KCND2: variants seen among roughly 807,000 people sequenced by gnomAD.
The protein encoded by KCND2 is A-type voltage-gated potassium channel KCND2.
KCND2 carries 16 observed loss-of-function variants against 54.4 expected under a neutral mutation model. That is an observed-to-expected ratio of 0.29 (90% CI 0.20 to 0.45). KCND2 has a LOEUF of 0.45. Ranked by LOEUF, KCND2 falls within the 20% of genes least tolerant of loss-of-function variation. The pLI is 1.00. For synonymous variants in KCND2, 317 were observed against 310.7 expected, an observed-to-expected ratio of 1.02 and a Z score of -0.21; for missense variants, 486 against 824.2, an observed-to-expected ratio of 0.59 and a Z score of 5.02.
intron 1 of KCND2, among the ~76,000 whole-genome samples, chr7:120,334,455 T>C (rs1483951098): frequency 6.6e-6 from 1 of 152,218 alleles, no homozygotes; most frequent in Non-Finnish European, 1.5e-5. Flanking sequence ...CCTCTATGTT[T>C]CTGCAGTAAT....
intron 1 of KCND2, among the ~76,000 whole-genome samples, chr7:120,583,036 A>C (rs1003200743): frequency 7.2e-5 from 11 of 152,196 alleles, no homozygotes; most frequent in African/African-American, 2.6e-4. Context: ...CCTGAAGGAC[A>C]GAAAGTATAT....
chr7:120,746,344 A>T (rs1357538142), intron 5 of KCND2, among the ~76,000 whole-genome samples: 1 of 152,148 alleles, frequency 6.6e-6, no homozygotes, highest in African/African-American at 2.4e-5. Flanking sequence ...AGTCTCTTAT[A>T]TATTCAATAG....
chr7:120,652,762 C>G (rs896671100), intron 1 of KCND2, among the ~76,000 whole-genome samples: 2 of 152,098 alleles, frequency 1.3e-5, no homozygotes, highest in African/African-American at 4.8e-5. Flanking sequence ...CTTGTTCATC[C>G]CAATGCTAAT....
chr7:120,452,923 C>T (rs1242429928), intron 1 of KCND2, among the ~76,000 whole-genome samples: 1 of 152,170 alleles, frequency 6.6e-6, no homozygotes. Context: ...GTCTGCTGGC[C>T]TCTCCTGGGG....
chr7:120,432,783 C>T (rs1431983204), intron 1 of KCND2, among the ~76,000 whole-genome samples: 3 of 152,144 alleles, frequency 2.0e-5, no homozygotes, highest in Admixed American at 6.5e-5. Flanking sequence ...GGTTGCCTTG[C>T]TTGGACACCC....
chr7:120,397,206 C>G (rs1246414938), intron 1 of KCND2, among the ~76,000 whole-genome samples: 1 of 152,036 alleles, frequency 6.6e-6, no homozygotes, highest in African/African-American at 2.4e-5. Context: ...TAGCACAAAT[C>G]AAGTTCAGTT....
chr7:120,705,282 G>A (rs548944251), intron 1 of KCND2, among the ~76,000 whole-genome samples: 3 of 152,222 alleles, frequency 2.0e-5, no homozygotes, highest in African/African-American at 7.2e-5. Context: ...TAGATGATCT[G>A]GATGGCTTTT....
At chr7:120,693,623 G>A (rs1792298845) in intron 1 of KCND2, among the ~76,000 whole-genome samples, 1 of 152,182 alleles carries the variant, frequency 6.6e-6, no homozygotes, top group South Asian at 2.1e-4. Context: ...GGCTTCCAAT[G>A]TGTGATTATT....
At chr7:120,717,405 G>A (rs775613970) in intron 1 of KCND2, among the ~76,000 whole-genome samples, 11 of 152,074 alleles carry the variant, frequency 7.2e-5, no homozygotes, top group African/African-American at 1.9e-4. Flanking sequence ...AGAAGTGCAC[G>A]TTCCTTAAAA....
intron 1 of KCND2, among the ~76,000 whole-genome samples, chr7:120,388,019 G>A (rs542919090): frequency 3.9e-5 from 6 of 152,090 alleles, no homozygotes; most frequent in African/African-American, 1.4e-4. Flanking sequence ...TTTTGTAAAT[G>A]TGTTTATACT....
At chr7:120,628,419 G>A (rs1009502394) in intron 1 of KCND2, among the ~76,000 whole-genome samples, 2 of 152,142 alleles carry the variant, frequency 1.3e-5, no homozygotes, top group African/African-American at 4.8e-5. Flanking sequence ...GGGATCAAGG[G>A]AATATGTACA....
chr7:120,309,566 C>T (rs200805583), intron 1 of KCND2, among the ~76,000 whole-genome samples: 2 of 148,792 alleles, frequency 1.3e-5, no homozygotes, highest in East Asian at 2.2e-4. Context: ...CACACACACA[C>T]ATATATATAA....
At chr7:120,646,168 T>G (rs1159392139) in intron 1 of KCND2, among the ~76,000 whole-genome samples, 1 of 152,216 alleles carries the variant, frequency 6.6e-6, no homozygotes, top group Non-Finnish European at 1.5e-5. Context: ...CACAACCATA[T>G]GTGACCCATT....
chr7:120,721,938 G>A (rs996646991), intron 1 of KCND2, among the ~76,000 whole-genome samples: 4 of 152,112 alleles, frequency 2.6e-5, no homozygotes, highest in Non-Finnish European at 5.9e-5. Flanking sequence ...CAAGAGAGCT[G>A]ATGATTTTAT....
In KCND2 at chr7:120,749,031, T is replaced by C. The variant is rs919050855; in HGVS notation, c.*1173T>C. 5.9e-5 allele frequency: 9 copies of C among 151,966 alleles called. No homozygotes were observed. The highest frequency in any genetic ancestry group is 8.8e-5 in the Non-Finnish European group (6 of 67,870). 9.4% of individuals were successfully genotyped at this position (151,966 alleles called of 1,614,324 possible). ...GTTGTTTATGGAAAAGCCCAGATACTGGATATATCACTATGTATTTTATGA... is the reference window on the plus strand; with the variant it reads ...GTTGTTTATGGAAAAGCCCAGATACCGGATATATCACTATGTATTTTATGA... On this transcript the variant is annotated 3_prime_UTR_variant, in exon 6 of 6. Transcript: ENST00000331113.
Position 120,727,660 on chromosome 7 carries a change from A to G in KCND2, c.1116-5243A>G, listed in dbSNP as rs1584898267. ...GGAAGTACGCAAATTTAGAATTAAC[A>G]TTTTTATGCAAAAGGCACTTCCATG... On this transcript the variant is annotated intron_variant, in intron 1 of 5. Transcript: ENST00000331113. Among the ~76,000 whole-genome samples the G allele has an allele frequency of 4.6e-5, 7 of 152,306 alleles. 1 individual carries two copies. The highest frequency in any genetic ancestry group is 4.6e-4 in the Admixed American group (7 of 15,292).
At chr7:120,534,050 A>AT (rs1296937780) in intron 1 of KCND2, among the ~76,000 whole-genome samples, 2 of 151,476 alleles carry the variant, frequency 1.3e-5, no homozygotes, top group East Asian at 2.0e-4. Context: ...GATATTAGGA[A>AT]TTTTTTTGTA....
chr7:120,292,859 T>C (rs1438582438), intron 1 of KCND2, among the ~76,000 whole-genome samples: 1 of 151,874 alleles, frequency 6.6e-6, no homozygotes, highest in Non-Finnish European at 1.5e-5. Flanking sequence ...TTCAAACTTT[T>C]GTTGTATAAT....
chr7:120,643,599 A>T (rs1012125632), intron 1 of KCND2, among the ~76,000 whole-genome samples: 1 of 152,078 alleles, frequency 6.6e-6, no homozygotes, highest in African/African-American at 2.4e-5. Flanking sequence ...TAGGCATATT[A>T]GAAGCCAAAG....
Sources: gnomAD v4.1 joint callset for allele counts (sites outside exome capture counted in the v4.1 genomes callset) on GRCh38, gnomAD v4.1.1 for gene constraint, MANE v1.5 for transcripts, NCBI Gene and HGNC (gene_info 2026-07-23, HGNC 2026-07-21) for gene names.